TRHDE: variants seen among roughly 807,000 people sequenced by gnomAD.
The protein encoded by TRHDE is thyrotropin-releasing hormone-degrading ectoenzyme.
Under a neutral mutation model 125.7 loss-of-function variants are expected in TRHDE, and 72 were observed. The observed-to-expected ratio is 0.57, with a 90% CI of 0.47 to 0.70. TRHDE has a LOEUF of 0.70. Ranked by LOEUF, TRHDE falls within the 30% of genes least tolerant of loss-of-function variation. The probability of loss-of-function intolerance (pLI) is 0.00; values close to 1 mark genes in which losing one functional copy is unlikely to be tolerated. For synonymous variants in TRHDE, 509 were observed against 509.1 expected, an observed-to-expected ratio of 1.00 and a Z score of 0.00; for missense variants, 1,110 against 1,327.1, an observed-to-expected ratio of 0.84 and a Z score of 2.54.
At chr12:72,486,748 T>C (rs562672599) in intron 5 of TRHDE, among the ~76,000 whole-genome samples, 3 of 152,106 alleles carry the variant, frequency 2.0e-5, no homozygotes, top group African/African-American at 7.2e-5. Context: ...ACAAGAAACA[T>C]GAAAAAGCAA....
chr12:72,231,996 G>T (rs1878256034), intron 2 of TRHDE, among the ~76,000 whole-genome samples: 1 of 152,192 alleles, frequency 6.6e-6, no homozygotes, highest in African/African-American at 2.4e-5. Flanking sequence ...TTTGTAAATT[G>T]TCTACTGGCT....
At chr12:72,501,021 C>T (rs1878133294) in intron 6 of TRHDE, among the ~76,000 whole-genome samples, 1 of 151,992 alleles carries the variant, frequency 6.6e-6, no homozygotes, top group African/African-American at 2.4e-5. Context: ...CCCATGAATA[C>T]AGTATGCCTC....
intron 2 of TRHDE, among the ~76,000 whole-genome samples, chr12:72,373,426 T>C (rs1400462074): frequency 4.6e-5 from 7 of 152,272 alleles, no homozygotes; most frequent in Middle Eastern, 3.4e-3. Flanking sequence ...TCCAACACTA[T>C]GTTGAATAGG....
chr12:72,484,257 T>C (rs554877457), intron 5 of TRHDE, among the ~76,000 whole-genome samples: 2 of 152,282 alleles, frequency 1.3e-5, no homozygotes, highest in East Asian at 1.9e-4. Flanking sequence ...ATTAGCCAAT[T>C]TGATTTTGTT....
At chr12:72,283,045 T>C (rs796654584) in intron 1 of TRHDE, among the ~76,000 whole-genome samples, 15 of 152,210 alleles carry the variant, frequency 9.9e-5, no homozygotes, top group African/African-American at 3.4e-4. Flanking sequence ...GAGAATGTAA[T>C]TTCTTCTTAC....
At chr12:72,389,057 G>A (rs931102172) in intron 3 of TRHDE, among the ~76,000 whole-genome samples, 4 of 151,760 alleles carry the variant, frequency 2.6e-5, no homozygotes, top group Non-Finnish European at 5.9e-5. Flanking sequence ...CTTTTAATAC[G>A]GGAGAGAGGC....
chr12:72,622,476 C>G (rs1277421085), intron 15 of TRHDE, among the ~76,000 whole-genome samples: 3 of 151,936 alleles, frequency 2.0e-5, no homozygotes, highest in Admixed American at 6.6e-5. Flanking sequence ...ACACTTTGGA[C>G]AACTGATATC....
intron 2 of TRHDE, chr12:72,303,288 T>A (rs1401939998): frequency 6.6e-6 from 1 of 152,140 alleles, no homozygotes; most frequent in East Asian, 1.9e-4. Context: ...GCTTCTCATG[T>A]GGAAAGAACA....
intron 3 of TRHDE, among the ~76,000 whole-genome samples, chr12:72,463,935 T>G (rs764162076): frequency 2.3e-4 from 35 of 152,226 alleles, no homozygotes; most frequent in Non-Finnish European, 3.8e-4. Flanking sequence ...TTTGGACCTT[T>G]TGCAAAGTTG....
At chr12:72,271,734 C>T (rs1879220101), upstream of TRHDE, 8 of 367,854 alleles carry the variant, frequency 2.2e-5, 1 homozygote, top group South Asian at 1.6e-4. Context: ...CACACACGCA[C>T]ACACGCGCAC....
chr12:72,511,698 T>C (rs543556379), intron 6 of TRHDE, among the ~76,000 whole-genome samples: 4 of 152,256 alleles, frequency 2.6e-5, no homozygotes, highest in African/African-American at 4.8e-5. Context: ...AAGTTTTCCT[T>C]TGCACACATA....
intron 2 of TRHDE, among the ~76,000 whole-genome samples, chr12:72,127,843 T>G (rs928647974): frequency 6.6e-6 from 1 of 152,188 alleles, no homozygotes; most frequent in East Asian, 1.9e-4. Context: ...TGTATATATA[T>G]GTACAGAGAG....
rs538823843 is a variant in TRHDE at position 72,564,653 on chromosome 12, A to ATTTTTTTTTTTTTTTTTTTTTTTTTTTT, written c.2042+1618_2042+1645dup. Among the ~76,000 whole-genome samples the ATTTTTTTTTTTTTTTTTTTTTTTTTTTT allele has an allele frequency of 3.7e-5, 2 of 54,276 alleles. 1 individual carries two copies. Among genetic ancestry groups the ATTTTTTTTTTTTTTTTTTTTTTTTTTTT allele is most frequent in the Non-Finnish European group, 6.5e-5 (2 of 30,570 alleles). The allele number at this position is 54,276 out of a possible 152,430, so 35.6% of individuals were successfully genotyped here. ...TGGAATTATAAAATCATGCGTATGAATTTTTTTTTTTTTTTTTTTTTTTTT... is the reference window on the plus strand; with the variant it reads ...TGGAATTATAAAATCATGCGTATGAATTTTTTTTTTTTTTTTTTTTTTTTTTTTTTTTTTTTTTTTTTTTTTTTTTTTT... On this transcript the variant is annotated intron_variant, in intron 9 of 18. Transcript: ENST00000261180.
At chr12:72,404,184 C>T (rs573169894) in intron 3 of TRHDE, among the ~76,000 whole-genome samples, 3 of 152,172 alleles carry the variant, frequency 2.0e-5, no homozygotes, top group South Asian at 4.2e-4. Context: ...GAGGCTGAGG[C>T]GGGTGGATCA....
At chr12:72,120,185 G>A (rs1205012579) in intron 2 of TRHDE, among the ~76,000 whole-genome samples, 2 of 151,782 alleles carry the variant, frequency 1.3e-5, no homozygotes, top group African/African-American at 4.8e-5. Context: ...TGAGTAGCTG[G>A]GATTACAGGT....
intron 2 of TRHDE, among the ~76,000 whole-genome samples, chr12:72,319,996 A>G (rs916291025): frequency 2.6e-5 from 4 of 152,050 alleles, no homozygotes; most frequent in African/African-American, 4.8e-5. Context: ...GGTACTGATA[A>G]TACTTCTGGC....
chr12:72,161,789 A>C (rs906773790), intron 2 of TRHDE, among the ~76,000 whole-genome samples: 6 of 152,246 alleles, frequency 3.9e-5, no homozygotes, highest in African/African-American at 1.2e-4. Flanking sequence ...AAGAACTTCC[A>C]TATGGCAGAT....
chr12:72,113,454 G>T (rs1345079114), intron 2 of TRHDE, among the ~76,000 whole-genome samples: 5 of 151,790 alleles, frequency 3.3e-5, no homozygotes, highest in African/African-American at 1.2e-4. Flanking sequence ...GCGAAACCCT[G>T]TTTCTGCAAA....
At chr12:72,224,043 C>T (rs1177640049) in intron 2 of TRHDE, among the ~76,000 whole-genome samples, 1 of 151,530 alleles carries the variant, frequency 6.6e-6, no homozygotes, top group Non-Finnish European at 1.5e-5. Flanking sequence ...CTTTATAGAA[C>T]TAATTATGTA....
Sources: gnomAD v4.1 joint callset for allele counts (sites outside exome capture counted in the v4.1 genomes callset) on GRCh38, gnomAD v4.1.1 for gene constraint, MANE v1.5 for transcripts, NCBI Gene and HGNC (gene_info 2026-07-23, HGNC 2026-07-21) for gene names.